The following SPOCK2 variants were observed in gnomAD, a reference collection of about 807,000 sequenced individuals.
SPOCK2 encodes the protein SPARC (osteonectin), cwcv and kazal like domains proteoglycan 2, also known as testican-2.
In SPOCK2, 39 loss-of-function variants were observed where a neutral mutation model predicts 60.1. That is an observed-to-expected ratio of 0.65 (90% CI 0.50 to 0.85). The LOEUF is 0.85. Ranked by LOEUF, SPOCK2 falls within the 40% of genes least tolerant of loss-of-function variation. The probability of loss-of-function intolerance (pLI) is 0.00; values close to 1 mark genes in which losing one functional copy is unlikely to be tolerated. For missense variants in SPOCK2, 523 were observed against 567.4 expected, an observed-to-expected ratio of 0.92 and a Z score of 0.80; for synonymous variants, 217 against 231.5, an observed-to-expected ratio of 0.94 and a Z score of 0.57.
intron 1 of SPOCK2, among the ~76,000 whole-genome samples, chr10:72,079,691 C>T (rs1840758090): frequency 6.6e-6 from 1 of 152,170 alleles, no homozygotes; most frequent in African/African-American, 2.4e-5. Flanking sequence ...CCAGCTTCTC[C>T]ATCTGGTATG....
intron 1 of SPOCK2, among the ~76,000 whole-genome samples, chr10:72,073,597 C>T (rs748035): frequency 0.3 from 45,024 of 152,132 alleles, 7,602 homozygotes; most frequent in Middle Eastern, 0.45. Flanking sequence ...CGGAGAAAGC[C>T]CAGAGACAGA....
At chr10:72,085,488 A>G (rs1332625501) in intron 1 of SPOCK2, among the ~76,000 whole-genome samples, 3 of 151,970 alleles carry the variant, frequency 2.0e-5, no homozygotes, top group Admixed American at 6.5e-5. Flanking sequence ...AAGTGGAGCA[A>G]CTCCCCAAGT....
chr10:72,073,222 C>G (rs1047443128), intron 1 of SPOCK2, among the ~76,000 whole-genome samples: 1 of 152,202 alleles, frequency 6.6e-6, no homozygotes, highest in Non-Finnish European at 1.5e-5. Context: ...GACAGATGTC[C>G]GAGGTGCCCA....
intron 8 of SPOCK2, among the ~76,000 whole-genome samples, chr10:72,064,602 C>G (rs941273069): frequency 1.3e-5 from 2 of 152,200 alleles, no homozygotes; most frequent in African/African-American, 2.4e-5. Context: ...AGAGAACTCC[C>G]AGGCCTGAAA....
Position 72,070,440 on chromosome 10 carries a change from T to TG in SPOCK2, c.360-15dup. ...GGCTGCTTGATCCTACAGGAGAGGG[T>TG]GGGGGGCACACCAGGGTGGAAGTGA... On this transcript the variant is annotated splice_polypyrimidine_tract_variant and intron_variant, in intron 4 of 10. Coordinates refer to ENST00000373109, the MANE Select transcript of SPOCK2 (RefSeq NM_001244950.2). 1 of 1,612,720 alleles carries TG rather than the reference T, an allele frequency of 6.2e-7. No individual in the cohort carries two copies. The highest frequency in any genetic ancestry group is 8.5e-7 in the Non-Finnish European group (1 of 1,179,146).
chr10:72,088,315 C>G lies in SPOCK2; in HGVS notation c.14G>C (p.Gly5Ala). 1 of 1,582,112 alleles carries G rather than the reference C, an allele frequency of 6.3e-7. No homozygotes were observed. Among genetic ancestry groups the G allele is most frequent in the Non-Finnish European group, 8.6e-7 (1 of 1,167,012 alleles). ...CAGCGGCAGCACCAGCCGCCCGCAG[C>G]CCGGGGCGCGCATCGTGGTCTGGGT... Reference protein sequence around the residue: MRAPGCGRLVLPLLL... With the variant: MRAPACGRLVLPLLL... Residue 5 changes from glycine (G) to alanine (A), a missense_variant, in exon 1 of 11, where the codon GGC (glycine) becomes GCC (alanine). Physicochemically the swap from Gly to Ala is moderately conservative, Grantham distance 60. Coordinates refer to ENST00000373109, the MANE Select transcript of SPOCK2 (RefSeq NM_001244950.2).
At position 72,063,007 on chromosome 10, in the gene SPOCK2, G is replaced by C. The variant is rs1341770152; in HGVS notation, c.1129+18C>G. 5.1e-6 allele frequency: 8 copies of C among 1,564,000 alleles called. No homozygotes were observed. Among genetic ancestry groups the C allele is most frequent in the Non-Finnish European group, 6.9e-6 (8 of 1,155,056 alleles). ...CAGGCCTGGGCCCCCAGCAGGCCCT[G>C]AGCTGCCCAGCCCGTACCGCAGTCG... On this transcript the variant is annotated intron_variant, in intron 10 of 10. Coordinates refer to ENST00000373109, the MANE Select transcript of SPOCK2 (RefSeq NM_001244950.2).
rs2131812865 is a variant in SPOCK2, at chr10:72,068,227, G to T, written c.549C>A (p.Pro183=). The change falls in exon 6 of 11, where the codon CCC becomes CCA. Residue 183 remains proline (P), a synonymous_variant. Coordinates refer to ENST00000373109, the MANE Select transcript of SPOCK2 (RefSeq NM_001244950.2). ...CGGTGGAGGTGGCAGCCTGCTCCGT[G>T]GGGCAGGGGCAGGGGCCCTCGCATC... is the stretch of plus-strand genomic sequence containing the variant. ...AVRCEGPCPC[P]TEQAATSTAD... is the part of the protein sequence containing the mutation. 1.9e-6 allele frequency: 3 copies of T among 1,610,830 alleles called. No individual in the cohort carries two copies. The highest frequency in any genetic ancestry group is 2.2e-5 in the East Asian group (1 of 44,832).
At chr10:72,066,867 G>A in intron 8 of SPOCK2, 35 bp downstream of exon 8, 2 of 1,612,078 alleles carry the variant, frequency 1.2e-6, no homozygotes, top group Non-Finnish European at 1.7e-6. Context: ...GCCCACACGG[G>A]TGAGGCAGGG....
At chr10:72,067,422 C>G (rs1275153327) in intron 7 of SPOCK2, among the ~76,000 whole-genome samples, 191 bp downstream of exon 7, 1 of 152,214 alleles carries the variant, frequency 6.6e-6, no homozygotes, top group African/African-American at 2.4e-5. Flanking sequence ...GTTCTTCCTA[C>G]TAGCTAACTG....
At chr10:72,084,279 G>T (rs1383897810) in intron 1 of SPOCK2, among the ~76,000 whole-genome samples, 1 of 152,226 alleles carries the variant, frequency 6.6e-6, no homozygotes, top group African/African-American at 2.4e-5. Context: ...CTGGCAAGGT[G>T]CCTTCACACC....
chr10:72,079,440 G>A (rs956008776), intron 1 of SPOCK2, among the ~76,000 whole-genome samples: 1 of 152,174 alleles, frequency 6.6e-6, no homozygotes, highest in African/African-American at 2.4e-5. Flanking sequence ...CCCTTCACAT[G>A]ACCCCTGGTT....
chr10:72,072,705 G>T (rs1426751876), intron 2 of SPOCK2, 157 bp from the exon 3 acceptor site: 3 of 1,337,078 alleles, frequency 2.2e-6, no homozygotes, highest in Non-Finnish European at 2.1e-6. Context: ...CCTGCCAGCT[G>T]CCTCCCCCAC....
At position 72,062,530 on chromosome 10, in the gene SPOCK2, G is replaced by C. The variant is rs1177997239; in HGVS notation, c.*230C>G. ...GTGTGGATCAAGGACACATTTGTCA[G>C]CGCATGCCACACACACACACACATA... On this transcript the variant is annotated 3_prime_UTR_variant, in exon 11 of 11. Coordinates refer to ENST00000373109, the MANE Select transcript of SPOCK2 (RefSeq NM_001244950.2). This position sits in a 1 kb window ranked among gnomAD's most constrained non-coding sequence, Gnocchi z 4.3. 8.1e-6 allele frequency: 6 copies of C among 736,530 alleles called. No homozygotes were observed. In the South Asian group the frequency reaches 1.1e-4, roughly 13 times the overall value. The allele number at this position is 736,530 out of a possible 1,614,324, so 45.6% of individuals were successfully genotyped here.
Position 72,087,417 on chromosome 10 carries a change from T to C in SPOCK2, c.189+723A>G, listed in dbSNP as rs1257520466. ...CTCAAGCCCACCGGGCCGGGAGCCT[T>C]CCTCTGGCTCCGAGCTGCTCCCCTC... On this transcript the variant is annotated intron_variant, in intron 1 of 10. Coordinates refer to ENST00000373109, the MANE Select transcript of SPOCK2 (RefSeq NM_001244950.2). The surrounding 1 kb of genome is among the most constrained non-coding windows in gnomAD (Gnocchi z 4.7). Among the ~76,000 whole-genome samples, 1 of 152,046 alleles carries C rather than the reference T, an allele frequency of 6.6e-6. No homozygotes were observed. Among genetic ancestry groups the C allele is most frequent in the African/African-American group, 2.4e-5 (1 of 41,408 alleles).
At chr10:72,068,664 T>G (rs1840605379) in intron 5 of SPOCK2, 1 of 246,744 alleles carries the variant, frequency 4.1e-6, no homozygotes, top group Non-Finnish European at 7.7e-6. Flanking sequence ...CTGGCTCTCA[T>G]GGCCTGTTCC....
At chr10:72,078,314 GC>G (rs1840741570) in intron 1 of SPOCK2, among the ~76,000 whole-genome samples, 1 of 152,042 alleles carries the variant, frequency 6.6e-6, no homozygotes, top group South Asian at 2.1e-4. Context: ...AGGAGATCGA[GC>G]ACCCTGGATA....
In SPOCK2 at chr10:72,067,090, T is replaced by A; in HGVS notation, c.740A>T (p.Lys247Met). 1 of 1,614,102 alleles carries A rather than the reference T, an allele frequency of 6.2e-7. No homozygotes were observed. Among genetic ancestry groups the A allele is most frequent in the Non-Finnish European group, 8.5e-7 (1 of 1,180,014 alleles). ...GLDKSLGASCKDSIGWMFSKL... is the reference protein window; with the variant it reads ...GLDKSLGASCMDSIGWMFSKL... ...GGAGAACATCCAGCCAATGGAGTCC[T>A]TGCAGCTGGCCCCCAGGCTCTTGTC... is the stretch of plus-strand genomic sequence containing the variant. Residue 247 changes from lysine (K) to methionine (M), a missense_variant, in exon 8 of 11, where the codon AAG becomes ATG. Physicochemically the swap from Lys to Met is moderately conservative, Grantham distance 95. Coordinates refer to ENST00000373109, the MANE Select transcript of SPOCK2 (RefSeq NM_001244950.2).
chr10:72,062,637 C>A lies in SPOCK2; in HGVS notation c.*123G>T. 6.7e-7 allele frequency: 1 copy of A among 1,501,510 alleles called. No homozygotes were observed. The highest frequency in any genetic ancestry group is 8.8e-7 in the Non-Finnish European group (1 of 1,132,132). The allele number at this position is 1,501,510 out of a possible 1,614,324, so 93.0% of individuals were successfully genotyped here. ...CACACATGCCATGCACACTCACACT[C>A]CCAGTCCCCCCAGGTGGAGCAGGGT... On this transcript the variant is annotated 3_prime_UTR_variant, in exon 11 of 11. Coordinates refer to ENST00000373109, the MANE Select transcript of SPOCK2 (RefSeq NM_001244950.2). The surrounding 1 kb of genome is among the most constrained non-coding windows in gnomAD (Gnocchi z 4.3).
Sources: allele counts gnomAD v4.1 joint callset (sites outside exome capture counted in the v4.1 genomes callset), GRCh38; gene constraint gnomAD v4.1.1; non-coding constraint Gnocchi (gnomAD v3.1); transcripts MANE v1.5; gene names NCBI Gene and HGNC (gene_info 2026-07-23, HGNC 2026-07-21).